ASIC2: variants seen among roughly 807,000 people sequenced by gnomAD.
ASIC2 encodes the protein acid-sensing ion channel 2.
In ASIC2, 25 loss-of-function variants were observed where a neutral mutation model predicts 57.3. The ratio of observed to expected loss-of-function variants is 0.44; its 90% CI spans 0.32 to 0.61. The LOEUF (loss-of-function observed/expected upper bound fraction) is 0.61, where lower values mean the gene tolerates loss of function less well. Among genes scored for constraint, ASIC2 ranks in the 20% least tolerant of loss-of-function variants. ASIC2 has a pLI of 0.06. For missense variants in ASIC2, 641 were observed against 738.1 expected (o/e 0.87, Z 1.52); for synonymous variants, 319 against 307.5 (o/e 1.04, Z -0.39).
intron 1 of ASIC2, among the ~76,000 whole-genome samples, chr17:33,491,853 G>A (rs1913770404): frequency 6.6e-6 from 1 of 152,318 alleles, no homozygotes; most frequent in East Asian, 1.9e-4. Flanking sequence ...CAGTATTTAG[G>A]GAGTTTATTC....
At chr17:34,144,432 C>A (rs1912360803) in intron 1 of ASIC2, among the ~76,000 whole-genome samples, 1 of 152,198 alleles carries the variant, frequency 6.6e-6, no homozygotes, top group South Asian at 2.1e-4. Context: ...CCTGATACTA[C>A]ACTGTCAATA....
At chr17:33,233,202 C>T (rs764934221) in intron 1 of ASIC2, among the ~76,000 whole-genome samples, 7 of 150,790 alleles carry the variant, frequency 4.6e-5, no homozygotes, top group African/African-American at 7.3e-5. Flanking sequence ...CAGTTGAAGA[C>T]AGCTACACTA....
chr17:33,433,505 C>T (rs147335860), intron 1 of ASIC2, among the ~76,000 whole-genome samples: 6,864 of 152,254 alleles, frequency 0.045, 500 homozygotes, highest in African/African-American at 0.16. Context: ...CCTGTAATCC[C>T]AGCACTTTGG....
chr17:33,071,130 T>G (rs886357365), intron 3 of ASIC2, among the ~76,000 whole-genome samples: 2 of 152,150 alleles, frequency 1.3e-5, no homozygotes, highest in Admixed American at 6.5e-5. Context: ...CTTTTTTATG[T>G]GGATTTATAA....
rs577844481 is a variant in ASIC2, at chr17:33,019,719, C to T, written c.1441+1500G>A. 4.3e-4 allele frequency among the ~76,000 whole-genome samples: 65 copies of T among 152,066 alleles called. 1 individual carries two copies. The highest frequency in any genetic ancestry group is 7.9e-4 in the Admixed American group (12 of 15,284). On this transcript the variant is annotated intron_variant, in intron 7 of 9. Transcript: ENST00000225823. ...CGGCTATTCTGGATGGGAACACGAT[C>T]GATGCTGAACAAACTCATCCTCATA...
At chr17:33,913,337 G>C (rs1233758156) in intron 1 of ASIC2, among the ~76,000 whole-genome samples, 1 of 151,938 alleles carries the variant, frequency 6.6e-6, no homozygotes, top group African/African-American at 2.4e-5. Context: ...AAGCAAAATG[G>C]CCTAATAGTG....
At chr17:34,013,940 C>A (rs73986809) in intron 1 of ASIC2, among the ~76,000 whole-genome samples, 3,585 of 152,206 alleles carry the variant, frequency 0.024, 134 homozygotes, top group African/African-American at 0.081. Flanking sequence ...CAGATGGACA[C>A]CAGGCAGGTT....
chr17:33,450,926 T>C (rs1912223822), intron 1 of ASIC2, among the ~76,000 whole-genome samples: 1 of 152,208 alleles, frequency 6.6e-6, no homozygotes, highest in Non-Finnish European at 1.5e-5. Flanking sequence ...CATGCCAACA[T>C]ATCCAACTGC....
At chr17:33,656,462 T>A (rs899195045) in intron 1 of ASIC2, among the ~76,000 whole-genome samples, 1 of 152,222 alleles carries the variant, frequency 6.6e-6, no homozygotes, top group Non-Finnish European at 1.5e-5. Flanking sequence ...CGTTCCTATT[T>A]CTGGAACAGA....
chr17:33,329,505 C>T (rs987404664), intron 1 of ASIC2, among the ~76,000 whole-genome samples: 3 of 152,180 alleles, frequency 2.0e-5, no homozygotes, highest in African/African-American at 7.2e-5. Context: ...TGAGAAAATT[C>T]ATGCCCAAAT....
chr17:34,071,577 C>T (rs552567986), intron 1 of ASIC2: 2 of 152,270 alleles, frequency 1.3e-5, no homozygotes, highest in East Asian at 3.9e-4. Flanking sequence ...CGCCTGTAAT[C>T]CCAGCATTTT....
Position 33,414,815 on chromosome 17 carries a change from C to T in ASIC2, c.556-302748G>A, listed in dbSNP as rs562586599. 5.3e-5 allele frequency among the ~76,000 whole-genome samples: 8 copies of T among 152,310 alleles called. No individual in the cohort carries two copies. In the East Asian group the frequency reaches 1.5e-3, roughly 29 times the overall value. ...CTTCAAAATGACATCTTTTAATGTT[C>T]CCCAGATATGCAGATCAAACAGGTT... is the stretch of plus-strand genomic sequence containing the variant. On this transcript the variant is annotated intron_variant, in intron 1 of 9. Transcript: ENST00000359872.
chr17:33,856,962 G>A (rs1913973395), intron 1 of ASIC2, among the ~76,000 whole-genome samples: 1 of 152,060 alleles, frequency 6.6e-6, no homozygotes, highest in Admixed American at 6.5e-5. Context: ...GCCATCCTGG[G>A]CTTTATTTGG....
intron 3 of ASIC2, among the ~76,000 whole-genome samples, chr17:33,035,344 C>T (rs995044602): frequency 9.9e-5 from 15 of 152,092 alleles, no homozygotes; most frequent in African/African-American, 3.1e-4. Context: ...TGTTTTCCCT[C>T]TTCATGTGTC....
rs9907891 is a variant in ASIC2, at chr17:33,661,137, G to T, written c.555+494841C>A. 1.4e-4 allele frequency among the ~76,000 whole-genome samples: 22 copies of T among 152,200 alleles called. No individual in the cohort carries two copies. The East Asian group carries it at 3.9e-3, about 27-fold the overall frequency. The stretch of plus-strand genomic sequence containing the variant: ...GCCCCCGCTGCTGTCTTACACAGCC[G>T]TACCTTCCTTTCCTTTGCCCCCTCT... On this transcript the variant is annotated intron_variant, in intron 1 of 9. Transcript: ENST00000359872.
At chr17:33,771,802 T>C (rs1457540355) in intron 1 of ASIC2, among the ~76,000 whole-genome samples, 1 of 152,248 alleles carries the variant, frequency 6.6e-6, no homozygotes, top group South Asian at 2.1e-4. Flanking sequence ...AGATCAAATA[T>C]GTAGGGATCA....
chr17:33,537,391 C>A (rs1915267349), intron 1 of ASIC2, among the ~76,000 whole-genome samples: 1 of 152,162 alleles, frequency 6.6e-6, no homozygotes, highest in African/African-American at 2.4e-5. Flanking sequence ...ATAGTCACCT[C>A]CCGCCCACCC....
At chr17:34,127,992 T>A (rs931335456) in intron 1 of ASIC2, among the ~76,000 whole-genome samples, 1 of 152,006 alleles carries the variant, frequency 6.6e-6, no homozygotes, top group Admixed American at 6.6e-5. Flanking sequence ...CCTCCCTGAA[T>A]CTCAGAGAGG....
chr17:33,833,732 A>G (rs984245818), intron 1 of ASIC2, among the ~76,000 whole-genome samples: 2 of 152,188 alleles, frequency 1.3e-5, no homozygotes, highest in Non-Finnish European at 2.9e-5. Flanking sequence ...AGGCATTAGT[A>G]CTGCATCACA....
Sources: allele counts gnomAD v4.1 joint callset (sites outside exome capture counted in the v4.1 genomes callset), GRCh38; gene constraint gnomAD v4.1.1; transcripts MANE v1.5; gene names NCBI Gene and HGNC (gene_info 2026-07-23, HGNC 2026-07-21).